Variants in P2RX7 observed in about 807,000 individuals in gnomAD.
P2RX7 encodes P2X purinoceptor 7.
A neutral mutation model predicts 71.6 loss-of-function variants in P2RX7; 62 were observed. The ratio of observed to expected loss-of-function variants is 0.87; its 90% CI spans 0.71 to 1.07. P2RX7 has a LOEUF of 1.07. Among genes scored for constraint, P2RX7 ranks in the 50% least tolerant of loss-of-function variants. The pLI is 0.00. For synonymous variants in P2RX7, 299 were observed against 283.3 expected (o/e 1.06, Z -0.56); for missense variants, 686 against 748.5 (o/e 0.92, Z 0.97).
At chr12:121,162,253 T>C in intron 4 of P2RX7, 171 bp from the exon 5 acceptor site, 8 of 1,409,792 alleles carry the variant, frequency 5.7e-6, no homozygotes, top group Non-Finnish European at 6.5e-6. Context: ...TGCCTTGCCT[T>C]GTGTTCGTTG....
intron 8 of P2RX7, among the ~76,000 whole-genome samples, chr12:121,173,513 A>G (rs1006100403): frequency 2.0e-5 from 3 of 152,092 alleles, no homozygotes; most frequent in Admixed American, 2.0e-4. Context: ...TACTTTTCCC[A>G]AGAGATGGGG....
intron 1 of P2RX7, among the ~76,000 whole-genome samples, chr12:121,144,075 G>A (rs751975123): frequency 6.6e-6 from 1 of 152,092 alleles, no homozygotes; most frequent in Non-Finnish European, 1.5e-5. Flanking sequence ...CTCAACCCAG[G>A]TAACCATGAA....
chr12:121,143,211 C>T (rs950466746), intron 1 of P2RX7, among the ~76,000 whole-genome samples: 3 of 147,534 alleles, frequency 2.0e-5, no homozygotes, highest in Non-Finnish European at 4.5e-5. Flanking sequence ...TGGTGAAAGT[C>T]TCTCTCTACT....
chr12:121,156,819 C>T (rs976997421), intron 3 of P2RX7, among the ~76,000 whole-genome samples: 2 of 152,294 alleles, frequency 1.3e-5, no homozygotes, highest in African/African-American at 4.8e-5. Flanking sequence ...TCCAAAGAGC[C>T]GCCTCTTTCT....
intron 1 of P2RX7, among the ~76,000 whole-genome samples, chr12:121,152,127 A>T (rs945020150): frequency 6.6e-6 from 1 of 151,844 alleles, no homozygotes; most frequent in Non-Finnish European, 1.5e-5. Flanking sequence ...TTACAGGCGC[A>T]CACCACCACA....
At chr12:121,183,425 G>A (rs1245741077) in intron 12 of P2RX7, among the ~76,000 whole-genome samples, 1 of 150,590 alleles carries the variant, frequency 6.6e-6, no homozygotes, top group Non-Finnish European at 1.5e-5. Flanking sequence ...ATAAAAATTA[G>A]CCGGGTGTGG....
At chr12:121,158,526 C>T (rs953805483) in intron 3 of P2RX7, among the ~76,000 whole-genome samples, 3 of 152,166 alleles carry the variant, frequency 2.0e-5, no homozygotes, top group African/African-American at 4.8e-5. Flanking sequence ...AGCTTCCAGG[C>T]CTTCTTAAGG....
chr12:121,170,811 C>G (rs899183481), intron 8 of P2RX7, among the ~76,000 whole-genome samples: 2 of 151,984 alleles, frequency 1.3e-5, no homozygotes, highest in Non-Finnish European at 2.9e-5. Flanking sequence ...TTGTTGAGGT[C>G]TGATGAGTAA....
Position 121,186,313 on chromosome 12 carries a change from T to C in P2RX7, c.*1511T>C. The stretch of plus-strand genomic sequence containing the variant: ...ACATTGCTATCTTAAGTCCCTAAGT[T>C]TGGGGCTTATTTGTTCCACAGCAAC... On this transcript the variant is annotated 3_prime_UTR_variant, in exon 13 of 13. Coordinates refer to ENST00000328963, the MANE Select transcript of P2RX7 (RefSeq NM_002562.6). 6.6e-6 allele frequency: 1 copy of C among 152,204 alleles called. No homozygotes were observed. Among genetic ancestry groups the C allele is most frequent in the East Asian group, 1.9e-4 (1 of 5,198 alleles). 9.4% of individuals were successfully genotyped at this position (152,204 alleles called of 1,614,324 possible). A position where few individuals can be genotyped will look rare whatever the true frequency, so the allele number is the denominator to read the frequency against.
chr12:121,148,926 C>T (rs1331431900), intron 1 of P2RX7: 2 of 385,928 alleles, frequency 5.2e-6, no homozygotes, highest in Non-Finnish European at 1.0e-5. Context: ...GTTGGCCTGG[C>T]TTAGGTGTGA....
intron 10 of P2RX7, 21 bp from the exon 11 acceptor site, chr12:121,177,276 G>T (rs190080059): frequency 1.2e-6 from 2 of 1,613,944 alleles, no homozygotes; most frequent in Admixed American, 1.7e-5. Flanking sequence ...CTAACGCAGC[G>T]CTTGTCTGCA....
chr12:121,157,313 C>T (rs921071954), intron 3 of P2RX7, among the ~76,000 whole-genome samples: 2 of 152,240 alleles, frequency 1.3e-5, no homozygotes, highest in Non-Finnish European at 2.9e-5. Flanking sequence ...TGTCCAGGAC[C>T]TCTGGGCAAA....
chr12:121,152,499 T>C (rs1335476221), intron 1 of P2RX7, among the ~76,000 whole-genome samples: 1 of 151,854 alleles, frequency 6.6e-6, no homozygotes, highest in African/African-American at 2.4e-5. Context: ...CAGCTAATTT[T>C]TGTTCTTTGT....
At position 121,185,402 on chromosome 12, in the gene P2RX7, TTG is replaced by T. The variant is rs997452861; in HGVS notation, c.*603_*604del. ...TTGCCCAACTACTATCTCAGAGATA[TTG>T]TGAGGACAAATTGAGACAGTGCACA... On this transcript the variant is annotated 3_prime_UTR_variant, in exon 13 of 13. Coordinates refer to ENST00000328963, the MANE Select transcript of P2RX7 (RefSeq NM_002562.6). The T allele has an allele frequency of 6.5e-6, 1 of 152,964 alleles. No individual in the cohort carries two copies. Among genetic ancestry groups the T allele is most frequent in the African/African-American group, 2.4e-5 (1 of 41,458 alleles). The allele number at this position is 152,964 out of a possible 1,614,324, so 9.5% of individuals were successfully genotyped here. A position where few individuals can be genotyped will look rare whatever the true frequency, so the allele number is the denominator to read the frequency against.
intron 5 of P2RX7, among the ~76,000 whole-genome samples, chr12:121,163,327 T>TACACACACAC (rs113687409): frequency 8.8e-4 from 128 of 145,304 alleles, no homozygotes; most frequent in Middle Eastern, 3.5e-3. Flanking sequence ...ATGCCTGGCT[T>TACACACACAC]ACACACACAC....
chr12:121,162,213 C>T, intron 4 of P2RX7: 2 of 1,350,542 alleles, frequency 1.5e-6, no homozygotes, highest in Non-Finnish European at 1.9e-6. Flanking sequence ...TTTCTGTGTT[C>T]TCTCTGATCT....
intron 8 of P2RX7, among the ~76,000 whole-genome samples, chr12:121,168,284 T>TCTTTTCTTTTC: frequency 6.8e-6 from 1 of 147,166 alleles, no homozygotes; most frequent in African/African-American, 2.5e-5. Flanking sequence ...TCTTTTCTTT[T>TCTTTTCTTTTC]TTTTTTTTAG....
At chr12:121,165,314 T>G in intron 5 of P2RX7, 43 bp from the exon 6 acceptor site, 1 of 1,524,044 alleles carries the variant, frequency 6.6e-7, no homozygotes, top group Non-Finnish European at 9.1e-7. Context: ...GCTCCCTCGG[T>G]TCCCCCCGTC....
intron 8 of P2RX7, among the ~76,000 whole-genome samples, chr12:121,171,187 A>G (rs982433074): frequency 6.6e-6 from 1 of 152,078 alleles, no homozygotes; most frequent in Admixed American, 6.6e-5. Flanking sequence ...GAAGTTTGGA[A>G]TCAAGATGTC....
Sources: gnomAD v4.1 joint callset for allele counts (sites outside exome capture counted in the v4.1 genomes callset) on GRCh38, gnomAD v4.1.1 for gene constraint, MANE v1.5 for transcripts, NCBI Gene and HGNC (gene_info 2026-07-23, HGNC 2026-07-21) for gene names.